GORAB: variants seen among roughly 807,000 people sequenced by gnomAD.
GORAB encodes golgin, RAB6 interacting, also known as RAB6-interacting golgin.
Under a neutral mutation model 29.9 loss-of-function variants are expected in GORAB, and 17 were observed. That is an observed-to-expected ratio of 0.57 (90% CI 0.39 to 0.85). The LOEUF (loss-of-function observed/expected upper bound fraction) is 0.85, where lower values mean the gene tolerates loss of function less well. Among genes scored for constraint, GORAB ranks in the 40% least tolerant of loss-of-function variants. The pLI is 0.00. For missense variants in GORAB, 442 were observed against 437.8 expected (o/e 1.01, Z -0.09); for synonymous variants, 183 against 157.2 (o/e 1.16, Z -1.23).
Position 170,552,187 on chromosome 1 carries a change from G to C in GORAB, c.835G>C (p.Asp279His). 1 of 1,614,102 alleles carries C rather than the reference G, an allele frequency of 6.2e-7. No individual in the cohort carries two copies. Among genetic ancestry groups the C allele is most frequent in the African/African-American group, 1.3e-5 (1 of 75,034 alleles). The change falls in exon 5 of 5, where the codon GAT becomes CAT. Residue 279 changes from aspartate to histidine, a missense_variant. Physicochemically the swap from Asp to His is moderately conservative, Grantham distance 81 (BLOSUM62 -1). Transcript: ENST00000367763. ...GATGCAACAACTAGATGTAGAAGCCGATGAAGAGACTTTGGAGCTTGAGGT... is the reference window on the plus strand; with the variant it reads ...GATGCAACAACTAGATGTAGAAGCCCATGAAGAGACTTTGGAGCTTGAGGT... ...ELMQQLDVEA[D>H]EETLELEVEV...
At chr1:170,532,391 A>G (rs1225069410) in intron 1 of GORAB, 107 bp downstream of exon 1, 2 of 1,242,132 alleles carry the variant, frequency 1.6e-6, no homozygotes, top group Admixed American at 3.4e-5. Flanking sequence ...CGTTTGTGTT[A>G]GCGGAAGGCG....
Position 170,532,240 on chromosome 1 carries a change from C to T in GORAB, c.17C>T (p.Ala6Val), listed in dbSNP as rs1263319152. Residue 6 changes from alanine to valine, a missense_variant, in exon 1 of 5, where the codon GCA becomes GTA. Physicochemically the swap from Ala to Val is moderately conservative, Grantham distance 64. Transcript: ENST00000367763. MAQGW[A>V]GFSEEELRRL... ...CCCGGGCCGATGGCGCAAGGTTGGG[C>T]AGGATTCTCTGAGGAGGAACTGAGG... The T allele has an allele frequency of 1.2e-6, 2 of 1,614,046 alleles. No individual in the cohort carries two copies. The highest frequency in any genetic ancestry group is 1.7e-5 in the Admixed American group (1 of 60,018).
Position 170,552,669 on chromosome 1 carries a change from G to T in GORAB, c.*207G>T. Reference sequence around the variant, plus strand: ...TAGGGGTATGTTTCACCTTGATTTTGGCCCGGTTCTTTCAGTGTTCCGTTT... The same window carrying T: ...TAGGGGTATGTTTCACCTTGATTTTTGCCCGGTTCTTTCAGTGTTCCGTTT... On this transcript the variant is annotated 3_prime_UTR_variant, in exon 5 of 5. Transcript: ENST00000367763. 1.6e-6 allele frequency: 1 copy of T among 620,690 alleles called. No homozygotes were observed. The highest frequency in any genetic ancestry group is 3.0e-6 in the Non-Finnish European group (1 of 335,642). 38.4% of individuals were successfully genotyped at this position (620,690 alleles called of 1,614,324 possible).
chr1:170,538,706 C>T (rs1367286363), intron 1 of GORAB, among the ~76,000 whole-genome samples: 2 of 152,130 alleles, frequency 1.3e-5, no homozygotes, highest in African/African-American at 4.8e-5. Flanking sequence ...CAATTACATG[C>T]CTGTTATAGC....
chr1:170,545,376 C>CTT, intron 4 of GORAB: 1 of 950,628 alleles, frequency 1.1e-6, no homozygotes, highest in Non-Finnish European at 1.3e-6. Context: ...AATATTTTCT[C>CTT]TTTTTTTTTC....
In GORAB at chr1:170,539,553, A is replaced by C; in HGVS notation, c.405A>C (p.Lys135Asn). The C allele has an allele frequency of 6.2e-7, 1 of 1,614,080 alleles. No homozygotes were observed. Among genetic ancestry groups the C allele is most frequent in the Non-Finnish European group, 8.5e-7 (1 of 1,179,968 alleles). The change falls in exon 2 of 5, where the codon AAA (lysine) becomes AAC (asparagine). Residue 135 changes from lysine to asparagine, a missense_variant. By Grantham distance (94) the Lys-to-Asn change is moderately conservative. Transcript: ENST00000367763. The part of the protein sequence containing the change: ...LPPKPDCKLE[K>N]KKVELQEKSR... ...CAAAGCCAGATTGCAAATTGGAGAA[A>C]AAGAAAGTGGAATTGTTAGTAAGTC... is the stretch of plus-strand genomic sequence containing the variant.
chr1:170,549,405 A>G (rs909181213), intron 4 of GORAB, among the ~76,000 whole-genome samples: 6 of 152,220 alleles, frequency 3.9e-5, no homozygotes, highest in African/African-American at 1.4e-4. Context: ...ACAAAATACA[A>G]AATCTTCAGT....
At position 170,552,877 on chromosome 1, in the gene GORAB, A is replaced by G. The variant is rs529326905; in HGVS notation, c.*415A>G. On this transcript the variant is annotated 3_prime_UTR_variant, in exon 5 of 5. Coordinates refer to ENST00000367763, the MANE Select transcript of GORAB (RefSeq NM_152281.3). Reference sequence around the variant, plus strand: ...GGAAGTCCTATTTTATTTAATCAGTATCAGTAAAAAGACAAAAATTACAGT... The same window carrying G: ...GGAAGTCCTATTTTATTTAATCAGTGTCAGTAAAAAGACAAAAATTACAGT... 87 of 452,290 alleles carry G rather than the reference A, an allele frequency of 1.9e-4. No homozygotes were observed. The highest frequency in any genetic ancestry group is 1.4e-3 in the South Asian group (86 of 63,596). The allele number at this position is 452,290 out of a possible 1,614,324, so 28.0% of individuals were successfully genotyped here.
intron 4 of GORAB, among the ~76,000 whole-genome samples, chr1:170,546,389 C>CA (rs1022095535): frequency 1.5e-3 from 189 of 127,610 alleles, no homozygotes; most frequent in Middle Eastern, 8.8e-3. Flanking sequence ...GACTCCGTCT[C>CA]AAAAAAAAAA....
rs915751677 is a variant in GORAB at position 170,553,004 on chromosome 1, A to G, written c.*542A>G. The G allele has an allele frequency of 4.4e-6, 2 of 453,204 alleles. No individual in the cohort carries two copies. Among genetic ancestry groups the G allele is most frequent in the Non-Finnish European group, 8.8e-6 (2 of 226,584 alleles). 28.1% of individuals were successfully genotyped at this position (453,204 alleles called of 1,614,324 possible). On this transcript the variant is annotated 3_prime_UTR_variant, in exon 5 of 5. Transcript: ENST00000367763. ...AAACACAACTTGGAAACTGGAATTT[A>G]TGTGAAGAACCAAACAACTTAAACC...
At chr1:170,541,289 G>A (rs1242360910) in intron 2 of GORAB, among the ~76,000 whole-genome samples, 1 of 149,682 alleles carries the variant, frequency 6.7e-6, no homozygotes. Context: ...TTAAAGAAAT[G>A]AGAAAGGATC....
intron 4 of GORAB, among the ~76,000 whole-genome samples, chr1:170,547,436 GCTGCTA>G (rs1426215592): frequency 6.6e-6 from 1 of 151,838 alleles, no homozygotes; most frequent in Non-Finnish European, 1.5e-5. Context: ...TGCTGCTACT[GCTGCTA>G]CTGCTGCTAC....
At chr1:170,544,521 T>TA in intron 3 of GORAB, 184 bp from the exon 4 acceptor site, 1 of 508,364 alleles carries the variant, frequency 2.0e-6, no homozygotes, top group East Asian at 3.2e-5. Flanking sequence ...CATGCAAATA[T>TA]AAAATTTCAA....
chr1:170,536,891 T>C (rs972408855), intron 1 of GORAB, among the ~76,000 whole-genome samples: 2 of 152,188 alleles, frequency 1.3e-5, no homozygotes, highest in African/African-American at 2.4e-5. Flanking sequence ...ATATGACTAT[T>C]AGAGAAGGAA....
chr1:170,543,271 C>T (rs1649553636), intron 3 of GORAB, among the ~76,000 whole-genome samples: 1 of 152,294 alleles, frequency 6.6e-6, no homozygotes, highest in East Asian at 1.9e-4. Flanking sequence ...TTTGTAGTTT[C>T]TGTCTAATCT....
Position 170,539,278 on chromosome 1 carries a change from C to T in GORAB, c.130C>T (p.Leu44Phe), listed in dbSNP as rs2101820822. 1.9e-6 allele frequency: 3 copies of T among 1,614,168 alleles called. No homozygotes were observed. The highest frequency in any genetic ancestry group is 2.5e-6 in the Non-Finnish European group (3 of 1,180,024). ...ACAACAACTTCAGCGAGAAAAAGCC[C>T]TTGTAGAGCAAAGCCAAAAACTTGG... is the stretch of plus-strand genomic sequence containing the variant. The part of the protein sequence containing the change: ...SRQQLQREKA[L>F]VEQSQKLGLQ... Residue 44 changes from leucine (L) to phenylalanine (F), a missense_variant, in exon 2 of 5, where the codon CTT becomes TTT. Leu to Phe is a conservative substitution (Grantham distance 22, BLOSUM62 0). Coordinates refer to ENST00000367763, the MANE Select transcript of GORAB (RefSeq NM_152281.3).
chr1:170,534,887 G>A (rs1049108998), intron 1 of GORAB, among the ~76,000 whole-genome samples: 2 of 152,170 alleles, frequency 1.3e-5, no homozygotes, highest in South Asian at 4.1e-4. Context: ...TGTGATCAGG[G>A]AGAGGGAATT....
intron 2 of GORAB, 104 bp downstream of exon 2, chr1:170,539,671 CTTTATA>C: frequency 3.3e-6 from 4 of 1,214,616 alleles, no homozygotes; most frequent in Non-Finnish European, 4.6e-6. Context: ...ATTTTCTCTC[CTTTATA>C]TTCATTCAAT....
Position 170,552,953 on chromosome 1 carries a change from T to C in GORAB, c.*491T>C, listed in dbSNP as rs772950745. ...AAGAAAAAAGTTGCAGGTTGAATTA[T>C]CTATCTGGATATTACTAGAGTTGTA... On this transcript the variant is annotated 3_prime_UTR_variant, in exon 5 of 5. Transcript: ENST00000367763. 2.2e-6 allele frequency: 1 copy of C among 449,986 alleles called. No individual in the cohort carries two copies. Among genetic ancestry groups the C allele is most frequent in the Non-Finnish European group, 4.4e-6 (1 of 225,858 alleles). 27.9% of individuals were successfully genotyped at this position (449,986 alleles called of 1,614,324 possible). A position where few individuals can be genotyped will look rare whatever the true frequency, so the allele number is the denominator to read the frequency against.
Sources: allele counts gnomAD v4.1 joint callset (sites outside exome capture counted in the v4.1 genomes callset), GRCh38; gene constraint gnomAD v4.1.1; transcripts MANE v1.5; gene names NCBI Gene and HGNC (gene_info 2026-07-23, HGNC 2026-07-21).